The following DLEU7 variants were observed in gnomAD, a reference collection of about 807,000 sequenced individuals.
DLEU7 encodes the protein deleted in lymphocytic leukemia 7, also known as leukemia-associated protein 7.
Under a neutral mutation model 16.0 loss-of-function variants are expected in DLEU7, and 17 were observed. The ratio of observed to expected loss-of-function variants is 1.06; its 90% confidence interval spans 0.73 to 1.59. DLEU7 has a LOEUF of 1.59. DLEU7 is among the 40% of genes most tolerant of loss of function. The pLI is 0.00. For missense variants in DLEU7, 308 were observed against 314.9 expected, an observed-to-expected ratio of 0.98 and a Z score of 0.17; for synonymous variants, 113 against 139.8, an observed-to-expected ratio of 0.81 and a Z score of 1.35.
At chr13:50,787,373 T>C (rs908304597) in intron 1 of DLEU7, among the ~76,000 whole-genome samples, 5 of 152,190 alleles carry the variant, frequency 3.3e-5, no homozygotes, top group African/African-American at 1.2e-4. Context: ...CATTCTCTGT[T>C]GTAATTACTA....
At chr13:50,748,592 C>CAT (rs1874469802) in intron 1 of DLEU7, among the ~76,000 whole-genome samples, 1 of 152,018 alleles carries the variant, frequency 6.6e-6, no homozygotes, top group Admixed American at 6.6e-5. Flanking sequence ...GACGGTCCTA[C>CAT]CTCGGGTCCC....
intron 1 of DLEU7, among the ~76,000 whole-genome samples, chr13:50,744,152 G>T (rs1352398829): frequency 6.6e-6 from 1 of 152,124 alleles, no homozygotes; most frequent in Non-Finnish European, 1.5e-5. Context: ...TTTACTTGCA[G>T]TGTTTCCACA....
intron 1 of DLEU7, among the ~76,000 whole-genome samples, chr13:50,810,476 A>G (rs1876534121): frequency 6.6e-6 from 1 of 152,164 alleles, no homozygotes; most frequent in African/African-American, 2.4e-5. Context: ...CCAAAAGGGA[A>G]AGGCAAGAAA....
intron 1 of DLEU7, among the ~76,000 whole-genome samples, chr13:50,749,319 T>G (rs973218326): frequency 1.4e-4 from 22 of 152,116 alleles, no homozygotes; most frequent in African/African-American, 5.1e-4. Context: ...TCTCACAGTT[T>G]CTTTATCCAC....
intron 1 of DLEU7, among the ~76,000 whole-genome samples, chr13:50,806,630 T>C (rs1432077956): frequency 2.0e-5 from 3 of 152,118 alleles, no homozygotes; most frequent in Non-Finnish European, 4.4e-5. Flanking sequence ...CTATAAATAT[T>C]AAAAAATAGG....
At chr13:50,722,923 C>T (rs1873663352) in intron 1 of DLEU7, among the ~76,000 whole-genome samples, 1 of 152,186 alleles carries the variant, frequency 6.6e-6, no homozygotes, top group Admixed American at 6.5e-5. Context: ...GACATCACAG[C>T]ATTCCATTGA....
intron 1 of DLEU7, among the ~76,000 whole-genome samples, chr13:50,728,213 G>A (rs539313119): frequency 1.3e-5 from 2 of 152,174 alleles, no homozygotes; most frequent in African/African-American, 2.4e-5. Context: ...TTGGTCGGGG[G>A]TGGGAATGGG....
downstream of DLEU7, among the ~76,000 whole-genome samples, chr13:50,820,689 G>T (rs9526694): frequency 0.072 from 10,884 of 152,158 alleles, 478 homozygotes; most frequent in East Asian, 0.14. Flanking sequence ...AGAGTGAATT[G>T]TTAAGGCCAG....
At chr13:50,822,854 A>C, downstream of DLEU7, 1 of 987,934 alleles carries the variant, frequency 1.0e-6, no homozygotes, top group South Asian at 4.6e-5. Flanking sequence ...GGAAGTGTCC[A>C]GTAAGTATTA....
chr13:50,821,820 A>G (rs1876914694), downstream of DLEU7, among the ~76,000 whole-genome samples: 1 of 152,192 alleles, frequency 6.6e-6, no homozygotes, highest in Admixed American at 6.5e-5. Flanking sequence ...GGGTCTTGAA[A>G]GAAAAGTACA....
chr13:50,749,868 T>A (rs959818713), intron 1 of DLEU7, among the ~76,000 whole-genome samples: 2 of 152,170 alleles, frequency 1.3e-5, no homozygotes, highest in African/African-American at 4.8e-5. Context: ...TTGTGAAGAT[T>A]TTCTCCAACT....
chr13:50,789,228 G>C (rs566745413), intron 1 of DLEU7, among the ~76,000 whole-genome samples: 2 of 151,138 alleles, frequency 1.3e-5, no homozygotes, highest in South Asian at 4.2e-4. Flanking sequence ...GAAAGGACGC[G>C]TGGGACACTG....
At chr13:50,747,924 C>A (rs1037734079) in intron 1 of DLEU7, among the ~76,000 whole-genome samples, 1 of 152,230 alleles carries the variant, frequency 6.6e-6, no homozygotes, top group Non-Finnish European at 1.5e-5. Context: ...ACCATGGCAA[C>A]TGGCATGCTC....
chr13:50,740,973 C>A (rs900545011), intron 1 of DLEU7, among the ~76,000 whole-genome samples: 1 of 152,036 alleles, frequency 6.6e-6, no homozygotes, highest in African/African-American at 2.4e-5. Flanking sequence ...CCCCTCTCCT[C>A]TCTACACTGT....
At position 50,726,003 on chromosome 13, in the gene DLEU7, T is replaced by G. The variant is rs962151534; in HGVS notation, c.460-12763A>C. On this transcript the variant is annotated intron_variant, in intron 1 of 1. Transcript: ENST00000400393. The surrounding 1 kb of genome is among the most constrained non-coding windows in gnomAD (Gnocchi z 4.0). ...ATCTATTTTTGCAGCATCATTTGTA[T>G]GCAGCTAAGCATTATGTCAGGCCTC... Among the ~76,000 whole-genome samples the G allele has an allele frequency of 6.6e-6, 1 of 152,234 alleles. No individual in the cohort carries two copies. Among genetic ancestry groups the G allele is most frequent in the Non-Finnish European group, 1.5e-5 (1 of 68,030 alleles).
intron 1 of DLEU7, among the ~76,000 whole-genome samples, chr13:50,728,398 A>G (rs1453568772): frequency 6.6e-6 from 1 of 152,248 alleles, no homozygotes; most frequent in Non-Finnish European, 1.5e-5. Flanking sequence ...AATGAGTTCT[A>G]GAATTTAAAA....
intron 1 of DLEU7, among the ~76,000 whole-genome samples, chr13:50,747,371 T>TGTGTCA (rs547782037): frequency 1.5e-5 from 1 of 66,028 alleles, no homozygotes; most frequent in South Asian, 4.1e-4. Context: ...TGTGTGTGTG[T>TGTGTCA]GACAGAGAGG....
intron 1 of DLEU7, among the ~76,000 whole-genome samples, chr13:50,809,526 C>T (rs2137788601): frequency 6.6e-6 from 1 of 152,212 alleles, no homozygotes; most frequent in Middle Eastern, 3.4e-3. Flanking sequence ...ATTCAACTGC[C>T]TGAGGGGTTG....
intron 1 of DLEU7, among the ~76,000 whole-genome samples, chr13:50,815,320 G>T (rs190096615): frequency 6.6e-6 from 1 of 151,650 alleles, no homozygotes; most frequent in African/African-American, 2.4e-5. Flanking sequence ...AACCATTGTC[G>T]ACAGAAAAAT....
Sources: allele counts gnomAD v4.1 joint callset (sites outside exome capture counted in the v4.1 genomes callset), GRCh38; gene constraint gnomAD v4.1.1; non-coding constraint Gnocchi (gnomAD v3.1); transcripts MANE v1.5; gene names NCBI Gene and HGNC (gene_info 2026-07-23, HGNC 2026-07-21).